Variants in ERCC3 observed in about 807,000 individuals in gnomAD.
The protein encoded by ERCC3 is general transcription and DNA repair factor IIH helicase/translocase subunit XPB.
ERCC3 carries 66 observed loss-of-function variants against 94.2 expected under a neutral mutation model. The ratio of observed to expected loss-of-function variants is 0.70; its 90% CI spans 0.57 to 0.86. The LOEUF (loss-of-function observed/expected upper bound fraction) is 0.86, where lower values mean the gene tolerates loss of function less well. ERCC3 is among the 40% of genes least tolerant of loss of function. The probability of loss-of-function intolerance (pLI) is 0.00; values close to 1 mark genes in which losing one functional copy is unlikely to be tolerated. For missense variants in ERCC3, 829 were observed against 987.1 expected (o/e 0.84, Z 2.15); for synonymous variants, 349 against 369.1 (o/e 0.95, Z 0.63).
chr2:127,261,989 C>T (rs1446534124), intron 12 of ERCC3: 1 of 153,042 alleles, frequency 6.5e-6, no homozygotes, highest in Non-Finnish European at 1.5e-5. Context: ...GGCATAAATC[C>T]AAGAGAAATG....
At chr2:127,286,637 C>T in intron 8 of ERCC3, 66 bp downstream of exon 8, 1 of 1,520,202 alleles carries the variant, frequency 6.6e-7, no homozygotes. Context: ...GTCCCTTTCC[C>T]AACCTAACAA....
Position 127,257,843 on chromosome 2 carries a change from T to A in ERCC3, c.2218-116A>T. On this transcript the variant is annotated intron_variant, in intron 14 of 14. Coordinates refer to ENST00000285398, the MANE Select transcript of ERCC3 (RefSeq NM_000122.2). The surrounding 1 kb of genome is among the most constrained non-coding windows in gnomAD (Gnocchi z 5.4). ...CTTACATAAATTTAATACATCATTTTTAATAATGTTTACAGATCGCTTACT... is the reference window on the plus strand; with the variant it reads ...CTTACATAAATTTAATACATCATTTATAATAATGTTTACAGATCGCTTACT... 1 of 1,163,538 alleles carries A rather than the reference T, an allele frequency of 8.6e-7. No homozygotes were observed. Among genetic ancestry groups the A allele is most frequent in the Non-Finnish European group, 1.3e-6 (1 of 796,356 alleles). The allele number at this position is 1,163,538 out of a possible 1,614,324, so 72.1% of individuals were successfully genotyped here. A position where few individuals can be genotyped will look rare whatever the true frequency, so the allele number is the denominator to read the frequency against.
intron 10 of ERCC3, 40 bp from the exon 11 acceptor site, chr2:127,273,001 C>T: frequency 1.6e-6 from 2 of 1,241,176 alleles, no homozygotes; most frequent in Admixed American, 1.7e-5. Flanking sequence ...CAGAATAATG[C>T]CTCAGTTATC....
chr2:127,275,927 C>A (rs540284206), intron 10 of ERCC3, among the ~76,000 whole-genome samples: 1 of 152,120 alleles, frequency 6.6e-6, no homozygotes, highest in African/African-American at 2.4e-5. Context: ...CTCTGCAGCA[C>A]GCAGGAGGGC....
chr2:127,288,535 G>T, intron 7 of ERCC3, 125 bp downstream of exon 7: 1 of 855,414 alleles, frequency 1.2e-6, no homozygotes, highest in Non-Finnish European at 2.0e-6. Flanking sequence ...ATGAATCAGG[G>T]AGTCACCTGA....
At chr2:127,288,573 A>T in intron 7 of ERCC3, 87 bp downstream of exon 7, 2 of 1,146,980 alleles carry the variant, frequency 1.7e-6, no homozygotes, top group Non-Finnish European at 2.7e-6. Context: ...GGTGTGATTT[A>T]GGGAAATGTG....
Position 127,277,573 on chromosome 2 carries a change from C to T in ERCC3, c.1730+1600G>A, listed in dbSNP as rs1271296053. Among the ~76,000 whole-genome samples the T allele has an allele frequency of 6.6e-6, 1 of 152,072 alleles. No individual in the cohort carries two copies. Among genetic ancestry groups the T allele is most frequent in the African/African-American group, 2.4e-5 (1 of 41,410 alleles). ...GGCTGTGGTGGCGGGTGCCTGTAGT[C>T]CCAGCTACTCAGGAGGCTGAGGCAG... On this transcript the variant is annotated intron_variant, in intron 10 of 14. Coordinates refer to ENST00000285398, the MANE Select transcript of ERCC3 (RefSeq NM_000122.2). The surrounding 1 kb of genome is among the most constrained non-coding windows in gnomAD (Gnocchi z 5.1).
chr2:127,292,609 C>A lies in ERCC3; in HGVS notation c.471+1G>T. ...AATTGCTGGTCTCAGCTGTCACTTG[C>A]CTTAATAAACTGCATAATTCCATCA... On this transcript the variant is annotated splice_donor_variant, in intron 3 of 14. Transcript: ENST00000285398. LOFTEE classifies it high-confidence loss of function. The A allele has an allele frequency of 6.3e-7, 1 of 1,595,266 alleles. No individual in the cohort carries two copies. Among genetic ancestry groups the A allele is most frequent in the South Asian group, 1.1e-5 (1 of 90,672 alleles).
intron 6 of ERCC3, 23 bp from the exon 7 acceptor site, chr2:127,288,887 G>A: frequency 6.3e-7 from 1 of 1,588,618 alleles, no homozygotes. Context: ...CACAAAAGGG[G>A]TTTTAAAATC....
At chr2:127,275,714 C>A (rs1684715055) in intron 10 of ERCC3, among the ~76,000 whole-genome samples, 1 of 152,128 alleles carries the variant, frequency 6.6e-6, no homozygotes, top group East Asian at 1.9e-4. Flanking sequence ...CATTGCCCTG[C>A]TCAAATTGGC....
rs750564487 is a variant in ERCC3, at chr2:127,272,895, G to A, written c.1797C>T (p.Asn599=). ...ATATGAAGATGGTGTTAATTTTGGG[G>A]TTGTGCTTGAAATTCTGGAGAATTT... ...RMQILQNFKH[N]PKINTIFISK... Residue 599 remains asparagine, a synonymous_variant, in exon 11 of 15, where the codon AAC becomes AAT. Transcript: ENST00000285398. 6.2e-7 allele frequency: 1 copy of A among 1,613,688 alleles called. No individual in the cohort carries two copies. Among genetic ancestry groups the A allele is most frequent in the South Asian group, 1.1e-5 (1 of 91,066 alleles).
intron 3 of ERCC3, chr2:127,290,655 C>T (rs1418407458): frequency 3.2e-6 from 1 of 314,988 alleles, no homozygotes; most frequent in East Asian, 8.1e-5. Context: ...AATGCAAAGC[C>T]TCTTCACCAA....
chr2:127,271,237 G>C lies in ERCC3; in HGVS notation c.1945+99C>G. The C allele has an allele frequency of 1.2e-6, 1 of 837,054 alleles. No individual in the cohort carries two copies. The highest frequency in any genetic ancestry group is 2.1e-6 in the Non-Finnish European group (1 of 474,328). 51.9% of individuals were successfully genotyped at this position (837,054 alleles called of 1,614,324 possible). ...ATTCTCTCCCTCCAGAGTCTATTTA[G>C]CCCCAGGGCACATGGCAGCTCTCAC... On this transcript the variant is annotated intron_variant, in intron 12 of 14. Transcript: ENST00000285398. The surrounding 1 kb of genome is among the most constrained non-coding windows in gnomAD (Gnocchi z 5.0).
chr2:127,263,097 C>G (rs1684245762), intron 12 of ERCC3, among the ~76,000 whole-genome samples: 1 of 152,136 alleles, frequency 6.6e-6, no homozygotes, highest in Middle Eastern at 3.2e-3. Context: ...TACTGTGAGG[C>G]CTTTGGCTTT....
intron 10 of ERCC3, among the ~76,000 whole-genome samples, chr2:127,273,967 C>T (rs1489169781): frequency 6.6e-6 from 1 of 151,252 alleles, no homozygotes; most frequent in Non-Finnish European, 1.5e-5. Context: ...AGACAAACTA[C>T]AGGTACGCAG....
intron 12 of ERCC3, among the ~76,000 whole-genome samples, chr2:127,270,979 C>T (rs1026508819): frequency 6.6e-6 from 1 of 152,214 alleles, no homozygotes; most frequent in African/African-American, 2.4e-5. Flanking sequence ...CCAGAAGCAG[C>T]TTCCAGCTCC....
chr2:127,289,415 C>T lies in ERCC3; in HGVS notation c.744G>A (p.Leu248=). Residue 248 remains leucine (L), a synonymous_variant, in exon 6 of 15, where the codon CTG becomes CTA. Coordinates refer to ENST00000285398, the MANE Select transcript of ERCC3 (RefSeq NM_000122.2). ...TGTCCATTTGCTCATAGAAGTCAAA[C>T]AGGTCCATGGGGATGTCAGATTTAC... ...PQGKSDIPMD[L]FDFYEQMDKD... 1 of 1,613,452 alleles carries T rather than the reference C, an allele frequency of 6.2e-7. No individual in the cohort carries two copies. Among genetic ancestry groups the T allele is most frequent in the Non-Finnish European group, 8.5e-7 (1 of 1,179,960 alleles).
intron 10 of ERCC3, among the ~76,000 whole-genome samples, chr2:127,276,788 T>C (rs1684747022): frequency 6.6e-6 from 1 of 151,812 alleles, no homozygotes; most frequent in African/African-American, 2.4e-5. Context: ...ATTAAGAATA[T>C]CACTTTCAAA....
At chr2:127,266,839 C>G (rs1039866105) in intron 12 of ERCC3, among the ~76,000 whole-genome samples, 2 of 151,348 alleles carry the variant, frequency 1.3e-5, no homozygotes, top group African/African-American at 4.9e-5. Context: ...GCCTCAGGCT[C>G]CCGAGTAGCT....
Sources: allele counts gnomAD v4.1 joint callset (sites outside exome capture counted in the v4.1 genomes callset), GRCh38; gene constraint gnomAD v4.1.1; non-coding constraint Gnocchi (gnomAD v3.1); transcripts MANE v1.5; gene names NCBI Gene and HGNC (gene_info 2026-07-23, HGNC 2026-07-21).